The following ZMAT4 variants were observed in gnomAD, a reference collection of about 807,000 sequenced individuals.
The protein encoded by ZMAT4 is zinc finger matrin-type protein 4.
ZMAT4 carries 17 observed loss-of-function variants against 28.7 expected under a neutral mutation model. The observed-to-expected ratio is 0.59, with a 90% CI of 0.41 to 0.89. The LOEUF (loss-of-function observed/expected upper bound fraction) is 0.89. ZMAT4 is among the 40% of genes least tolerant of loss of function. ZMAT4 has a pLI of 0.00. For missense variants in ZMAT4, 240 were observed against 283.8 expected (o/e 0.85, Z 1.11); for synonymous variants, 117 against 109.2 (o/e 1.07, Z -0.44).
At chr8:40,686,125 A>C (rs1006943935) in intron 4 of ZMAT4, among the ~76,000 whole-genome samples, 1 of 152,174 alleles carries the variant, frequency 6.6e-6, no homozygotes, top group African/African-American at 2.4e-5. Flanking sequence ...CCATGACCTC[A>C]AGGAGCTTAA....
intron 6 of ZMAT4, among the ~76,000 whole-genome samples, chr8:40,556,641 C>T (rs1803547397): frequency 6.6e-6 from 1 of 152,198 alleles, no homozygotes; most frequent in Admixed American, 6.5e-5. Context: ...CTTAAACCAA[C>T]TTCCCACCTG....
chr8:40,784,789 G>A (rs1235794612), intron 2 of ZMAT4, among the ~76,000 whole-genome samples: 2 of 152,158 alleles, frequency 1.3e-5, no homozygotes, highest in African/African-American at 4.8e-5. Flanking sequence ...CCCCTGAGCT[G>A]CAGAGAGCTG....
At chr8:40,621,019 ATTGAGGC>A (rs1224320372) in intron 5 of ZMAT4, among the ~76,000 whole-genome samples, 1 of 152,196 alleles carries the variant, frequency 6.6e-6, no homozygotes, top group Non-Finnish European at 1.5e-5. Flanking sequence ...GTTCCACAAA[ATTGAGGC>A]TTGAGTTGCT....
intron 2 of ZMAT4, among the ~76,000 whole-genome samples, chr8:40,823,139 C>G (rs1815891941): frequency 6.6e-6 from 1 of 152,100 alleles, no homozygotes; most frequent in Non-Finnish European, 1.5e-5. Context: ...ACACCCACCC[C>G]CTCCACGAAC....
At chr8:40,601,646 A>AGGCAGGC (rs1805374771) in intron 5 of ZMAT4, among the ~76,000 whole-genome samples, 1 of 41,714 alleles carries the variant, frequency 2.4e-5, no homozygotes, top group Admixed American at 2.2e-4. Context: ...GAAAGAAAGA[A>AGGCAGGC]AGAAAGAAAG....
intron 5 of ZMAT4, among the ~76,000 whole-genome samples, chr8:40,599,758 C>T (rs189566108): frequency 6.6e-5 from 10 of 152,294 alleles, no homozygotes; most frequent in East Asian, 1.9e-4. Context: ...GGGAGACACA[C>T]GAGGGAGGGG....
intron 2 of ZMAT4, among the ~76,000 whole-genome samples, chr8:40,811,202 A>T (rs1815299306): frequency 6.6e-6 from 1 of 152,164 alleles, no homozygotes; most frequent in Admixed American, 6.5e-5. Context: ...AAAAAAGAAC[A>T]GGGGAGACAA....
chr8:40,774,531 T>G (rs1813509120), intron 2 of ZMAT4, among the ~76,000 whole-genome samples: 1 of 151,962 alleles, frequency 6.6e-6, no homozygotes, highest in South Asian at 2.1e-4. Flanking sequence ...AAGGAAGCAA[T>G]CAGAGACATG....
intron 1 of ZMAT4, among the ~76,000 whole-genome samples, chr8:40,864,577 A>C (rs1446231019): frequency 6.6e-6 from 1 of 152,206 alleles, no homozygotes; most frequent in African/African-American, 2.4e-5. Context: ...TACTCACCCC[A>C]GTTGTGGCAG....
At chr8:40,820,315 T>C (rs1274493624) in intron 2 of ZMAT4, among the ~76,000 whole-genome samples, 1 of 151,244 alleles carries the variant, frequency 6.6e-6, no homozygotes, top group East Asian at 1.9e-4. Flanking sequence ...GGTGTGGGTC[T>C]TTATGTGTGT....
intron 1 of ZMAT4, chr8:40,888,573 C>T (rs1818553677): frequency 1.3e-5 from 2 of 152,322 alleles, no homozygotes; most frequent in Non-Finnish European, 2.9e-5. Flanking sequence ...GTCACCTGCA[C>T]TGCTTAGAGA....
At chr8:40,769,742 TA>T (rs1327518875) in intron 2 of ZMAT4, among the ~76,000 whole-genome samples, 10 of 152,074 alleles carry the variant, frequency 6.6e-5, no homozygotes, top group Non-Finnish European at 1.5e-4. Flanking sequence ...AGAATGAAAT[TA>T]TGGCAAAACT....
intron 2 of ZMAT4, among the ~76,000 whole-genome samples, chr8:40,791,834 C>T (rs1814337562): frequency 6.6e-6 from 1 of 152,166 alleles, no homozygotes; most frequent in African/African-American, 2.4e-5. Flanking sequence ...TATAGGAGGC[C>T]AGCCCTGTGC....
At chr8:40,790,116 G>T (rs1390143505) in intron 2 of ZMAT4, among the ~76,000 whole-genome samples, 1 of 152,224 alleles carries the variant, frequency 6.6e-6, no homozygotes, top group South Asian at 2.1e-4. Context: ...AAACACAAAT[G>T]ATTGTGGCTG....
intron 4 of ZMAT4, among the ~76,000 whole-genome samples, chr8:40,676,712 G>A (rs1006446138): frequency 1.3e-5 from 2 of 151,914 alleles, no homozygotes; most frequent in African/African-American, 2.4e-5. Context: ...TCATTATATC[G>A]AGAAGTTTTA....
rs545745762 is a variant in ZMAT4, at chr8:40,601,873, T to G, written c.578-20612A>C. ...AACAGATGTTTTTGTTTTTATTGAC[T>G]TTTAATTTTTTCAGTAGGGTTTTGG... On this transcript the variant is annotated intron_variant, in intron 5 of 6. Transcript: ENST00000297737. Among the ~76,000 whole-genome samples, 3 of 152,308 alleles carry G rather than the reference T, an allele frequency of 2.0e-5. No individual in the cohort carries two copies. In the South Asian group the frequency reaches 6.2e-4, roughly 32 times the overall value.
chr8:40,855,318 C>T (rs1404887363), intron 1 of ZMAT4, among the ~76,000 whole-genome samples: 3 of 152,122 alleles, frequency 2.0e-5, no homozygotes, highest in Admixed American at 2.0e-4. Flanking sequence ...TGGTTATGGG[C>T]TTTTCTGCTG....
At chr8:40,649,479 G>C (rs1807525780) in intron 5 of ZMAT4, among the ~76,000 whole-genome samples, 1 of 152,244 alleles carries the variant, frequency 6.6e-6, no homozygotes, top group Admixed American at 6.5e-5. Flanking sequence ...AAGAATGGGA[G>C]ACTTTAACAC....
chr8:40,721,649 T>C (rs1232218882), intron 3 of ZMAT4, among the ~76,000 whole-genome samples: 1 of 151,234 alleles, frequency 6.6e-6, no homozygotes, highest in Non-Finnish European at 1.5e-5. Context: ...TGTTGTTTCC[T>C]GACTTTTTAA....
Sources: allele counts gnomAD v4.1 joint callset (sites outside exome capture counted in the v4.1 genomes callset), GRCh38; gene constraint gnomAD v4.1.1; transcripts MANE v1.5; gene names NCBI Gene and HGNC (gene_info 2026-07-23, HGNC 2026-07-21).